Variants in CREBRF observed in about 807,000 individuals in gnomAD.
CREBRF encodes UPF0474 protein C5orf41.
Under a neutral mutation model 66.1 loss-of-function variants are expected in CREBRF, and 5 were observed. The ratio of observed to expected loss-of-function variants is 0.08; its 90% CI spans 0.04 to 0.16. The LOEUF (loss-of-function observed/expected upper bound fraction) is 0.16, where lower values mean the gene tolerates loss of function less well. Among genes scored for constraint, CREBRF ranks in the 10% least tolerant of loss-of-function variants. CREBRF has a pLI of 1.00. For missense variants in CREBRF, 531 were observed against 744.9 expected (o/e 0.71, Z 3.34); for synonymous variants, 229 against 264.4 (o/e 0.87, Z 1.30).
At chr5:173,070,570 T>A (rs1412691098) in intron 1 of CREBRF, among the ~76,000 whole-genome samples, 1 of 152,114 alleles carries the variant, frequency 6.6e-6, no homozygotes, top group Non-Finnish European at 1.5e-5. Context: ...ATTCAGTTGA[T>A]TTAAATTAAA....
chr5:173,063,633 T>C (rs1415087918), intron 1 of CREBRF, among the ~76,000 whole-genome samples: 4 of 152,018 alleles, frequency 2.6e-5, no homozygotes, highest in African/African-American at 9.7e-5. Flanking sequence ...CCTCTCAAAG[T>C]GCTGGGATTA....
chr5:173,085,413 C>A, intron 2 of CREBRF: 2 of 725,156 alleles, frequency 2.8e-6, no homozygotes, highest in Non-Finnish European at 4.4e-6. Flanking sequence ...CAAATACATT[C>A]TTTTTTTTTT....
At chr5:173,127,522 C>T (rs572555970) in intron 8 of CREBRF, among the ~76,000 whole-genome samples, 5 of 150,794 alleles carry the variant, frequency 3.3e-5, no homozygotes, top group East Asian at 2.0e-4. Context: ...TGCAGTTGCA[C>T]GATCTCGGCT....
intron 1 of CREBRF, among the ~76,000 whole-genome samples, chr5:173,069,987 C>T (rs995197180): frequency 2.0e-5 from 3 of 151,758 alleles, no homozygotes; most frequent in Admixed American, 6.6e-5. Flanking sequence ...ACTGTAATCC[C>T]GAGTTCAAGC....
At chr5:173,089,536 A>T (rs1758266540) in intron 3 of CREBRF, among the ~76,000 whole-genome samples, 1 of 152,032 alleles carries the variant, frequency 6.6e-6, no homozygotes. Context: ...CTGATATTTG[A>T]AATTGACATC....
chr5:173,077,173 G>A (rs1419294530), intron 1 of CREBRF, among the ~76,000 whole-genome samples: 2 of 151,974 alleles, frequency 1.3e-5, no homozygotes, highest in Non-Finnish European at 2.9e-5. Context: ...TCGAACTCCT[G>A]AACTCGACTA....
chr5:173,088,936 T>C lies in CREBRF; in HGVS notation c.136-1379T>C, dbSNP rs372400802. ...GGTCATGCCTGTAATCCCAGCACTT[T>C]GGGAGGCTGAGGCAGGTGGATCACA... On this transcript the variant is annotated intron_variant, in intron 3 of 8. Transcript: ENST00000296953. 2.8e-4 allele frequency among the ~76,000 whole-genome samples: 43 copies of C among 152,048 alleles called. No homozygotes were observed. In the East Asian group the frequency reaches 6.4e-3, roughly 23 times the overall value.
At chr5:173,131,964 C>T (rs1759438183) in intron 8 of CREBRF, among the ~76,000 whole-genome samples, 1 of 151,740 alleles carries the variant, frequency 6.6e-6, no homozygotes, top group Non-Finnish European at 1.5e-5. Context: ...AACTCCTGAC[C>T]TGTGCTCTGC....
At position 173,062,858 on chromosome 5, in the gene CREBRF, C is replaced by T. The variant is rs1209054392; in HGVS notation, c.-192+6379C>T. Among the ~76,000 whole-genome samples, 14 of 151,040 alleles carry T rather than the reference C, an allele frequency of 9.3e-5. No individual in the cohort carries two copies. In the South Asian group the frequency reaches 2.9e-3, roughly 32 times the overall value. ...TGCCTCCCGGGTTCACGCCATTCTC[C>T]TGCCTCAGCCTCCCAAGTAGCTGGG... On this transcript the variant is annotated intron_variant, in intron 1 of 8. Transcript: ENST00000296953.
intron 4 of CREBRF, among the ~76,000 whole-genome samples, chr5:173,104,161 C>A (rs138046134): frequency 1.6e-3 from 239 of 152,242 alleles, no homozygotes; most frequent in African/African-American, 5.5e-3. Context: ...ATTTCTTAAT[C>A]TTTTAACATG....
chr5:173,064,049 G>A (rs1192970177), intron 1 of CREBRF, among the ~76,000 whole-genome samples: 1 of 152,060 alleles, frequency 6.6e-6, no homozygotes, highest in Non-Finnish European at 1.5e-5. Flanking sequence ...AGACTAGTGT[G>A]ATAGTAAAGC....
chr5:173,103,967 A>G (rs1026585962), intron 4 of CREBRF, among the ~76,000 whole-genome samples: 2 of 152,208 alleles, frequency 1.3e-5, no homozygotes, highest in African/African-American at 4.8e-5. Context: ...ATGAAAAGAA[A>G]AGGGAAAGGC....
intron 3 of CREBRF, among the ~76,000 whole-genome samples, chr5:173,087,110 C>G (rs775153993): frequency 1.7e-4 from 26 of 152,212 alleles, no homozygotes; most frequent in Non-Finnish European, 3.1e-4. Context: ...CCATGCCCAG[C>G]TAATTTTTGC....
intron 4 of CREBRF, among the ~76,000 whole-genome samples, chr5:173,099,166 A>G (rs151274651): frequency 1.8e-3 from 276 of 151,432 alleles, no homozygotes; most frequent in African/African-American, 6.4e-3. Flanking sequence ...CATCCTTTTT[A>G]TTTTTTTGAG....
intron 6 of CREBRF, among the ~76,000 whole-genome samples, chr5:173,112,035 CTCAGTT>C (rs1367670386): frequency 6.6e-6 from 1 of 152,030 alleles, no homozygotes; most frequent in Non-Finnish European, 1.5e-5. Context: ...TTTCTGGTAA[CTCAGTT>C]ATTTGTTAAA....
intron 4 of CREBRF, among the ~76,000 whole-genome samples, chr5:173,093,838 C>T (rs1258499732): frequency 6.6e-6 from 1 of 152,170 alleles, no homozygotes; most frequent in Non-Finnish European, 1.5e-5. Flanking sequence ...TCTGTAGTCA[C>T]AATGCTGTAT....
chr5:173,078,824 C>T (rs142770149), intron 1 of CREBRF, among the ~76,000 whole-genome samples: 218 of 152,162 alleles, frequency 1.4e-3, no homozygotes, highest in African/African-American at 2.6e-3. Flanking sequence ...TGCGCCCAGC[C>T]GACCCTATTG....
intron 1 of CREBRF, among the ~76,000 whole-genome samples, chr5:173,061,630 A>G (rs1207782159): frequency 1.3e-5 from 2 of 152,362 alleles, no homozygotes; most frequent in East Asian, 3.9e-4. Flanking sequence ...AGTCACGTGA[A>G]TAGTCAACAC....
At chr5:173,078,673 C>T (rs1398650041) in intron 1 of CREBRF, among the ~76,000 whole-genome samples, 1 of 151,676 alleles carries the variant, frequency 6.6e-6, no homozygotes, top group Non-Finnish European at 1.5e-5. Flanking sequence ...ATTCTCCTGC[C>T]TCAGCCTCCC....
Sources: allele counts gnomAD v4.1 joint callset (sites outside exome capture counted in the v4.1 genomes callset), GRCh38; gene constraint gnomAD v4.1.1; transcripts MANE v1.5; gene names NCBI Gene and HGNC (gene_info 2026-07-23, HGNC 2026-07-21).